The following SIPA1L3 variants were observed in gnomAD, a reference collection of about 807,000 sequenced individuals.
SIPA1L3 encodes the protein signal-induced proliferation-associated 1-like protein 3.
SIPA1L3 carries 59 observed loss-of-function variants against 150.1 expected under a neutral mutation model. The ratio of observed to expected loss-of-function variants is 0.39; its 90% CI spans 0.32 to 0.49. SIPA1L3 has a LOEUF of 0.49. Ranked by LOEUF, SIPA1L3 falls within the 20% of genes least tolerant of loss-of-function variation. The probability of loss-of-function intolerance (pLI) is 0.86; values close to 1 mark genes in which losing one functional copy is unlikely to be tolerated. For missense variants in SIPA1L3, 2,211 were observed against 2,489.5 expected (o/e 0.89, Z 2.38); for synonymous variants, 1,070 against 1,077.6 (o/e 0.99, Z 0.14).
chr19:38,152,401 C>T (rs1971843100), intron 12 of SIPA1L3, among the ~76,000 whole-genome samples: 1 of 152,220 alleles, frequency 6.6e-6, no homozygotes, highest in African/African-American at 2.4e-5. Flanking sequence ...TTGCCCAACT[C>T]AGGGCCTGCT....
intron 16 of SIPA1L3, among the ~76,000 whole-genome samples, chr19:38,187,945 G>A (rs986217536): frequency 6.7e-6 from 1 of 149,468 alleles, no homozygotes; most frequent in East Asian, 2.0e-4. Flanking sequence ...GCAGTGAGCC[G>A]AGATCGTGCC....
intron 6 of SIPA1L3, among the ~76,000 whole-genome samples, chr19:38,103,718 T>A (rs939226740): frequency 6.6e-6 from 1 of 150,764 alleles, no homozygotes; most frequent in Non-Finnish European, 1.5e-5. Context: ...GGTCAGGAGA[T>A]CGAGACCATC....
At chr19:38,142,954 A>T (rs1464814915) in intron 12 of SIPA1L3, among the ~76,000 whole-genome samples, 2 of 152,006 alleles carry the variant, frequency 1.3e-5, no homozygotes, top group African/African-American at 4.8e-5. Flanking sequence ...TGTTCTCTTG[A>T]CACCTGTCAA....
At chr19:38,155,372 G>A (rs929127449) in intron 13 of SIPA1L3, among the ~76,000 whole-genome samples, 3 of 152,086 alleles carry the variant, frequency 2.0e-5, no homozygotes, top group Non-Finnish European at 2.9e-5. Context: ...CACCGCACCC[G>A]GCTGGCTTTG....
At position 38,119,402 on chromosome 19, in the gene SIPA1L3, G is replaced by A; in HGVS notation, c.2388G>A (p.Leu796=). The A allele has an allele frequency of 1.9e-6, 3 of 1,614,094 alleles. No homozygotes were observed. The highest frequency in any genetic ancestry group is 2.5e-6 in the Non-Finnish European group (3 of 1,180,038). The change falls in exon 9 of 22, where the codon TTG becomes TTA. Residue 796 remains leucine, a synonymous_variant. Coordinates refer to ENST00000222345, the MANE Select transcript of SIPA1L3 (RefSeq NM_015073.3). ...FRKSDVFRDF[L]LAKVINAENA... is the part of the protein sequence containing the mutation. Reference sequence around the variant, plus strand: ...AATCCGACGTCTTCAGAGACTTCTTGCTGGCCAAGGTGATTAACGCTGAGA... The same window carrying A: ...AATCCGACGTCTTCAGAGACTTCTTACTGGCCAAGGTGATTAACGCTGAGA...
chr19:38,115,128 C>A (rs550216196), intron 8 of SIPA1L3, among the ~76,000 whole-genome samples: 4 of 152,300 alleles, frequency 2.6e-5, no homozygotes, highest in South Asian at 4.1e-4. Context: ...TTATCCACCC[C>A]CAAGCCTTGA....
chr19:38,156,434 T>C (rs1971950796), intron 13 of SIPA1L3, among the ~76,000 whole-genome samples: 1 of 150,866 alleles, frequency 6.6e-6, no homozygotes. Flanking sequence ...GGAGCTTGGC[T>C]CCCCTCTCAC....
intron 1 of SIPA1L3, among the ~76,000 whole-genome samples, chr19:38,011,767 C>G (rs986045924): frequency 2.6e-5 from 4 of 152,172 alleles, no homozygotes; most frequent in Admixed American, 2.6e-4. Flanking sequence ...TGTAATCCTT[C>G]TGGCTGTGGG....
Position 38,047,122 on chromosome 19 carries a change from G to A in SIPA1L3, c.-311+17966G>A, listed in dbSNP as rs1012305396. ...GGCACGGATAAGTTGGGTTGTTTGC[G>A]TGAGCCACACAGGTAGGAAGTGGCA... On this transcript the variant is annotated intron_variant, in intron 2 of 21. Coordinates refer to ENST00000222345, the MANE Select transcript of SIPA1L3 (RefSeq NM_015073.3). The surrounding 1 kb of genome is among the most constrained non-coding windows in gnomAD (Gnocchi z 4.7). 2.0e-5 allele frequency among the ~76,000 whole-genome samples: 3 copies of A among 152,138 alleles called. No homozygotes were observed. Among genetic ancestry groups the A allele is most frequent in the African/African-American group, 4.8e-5 (2 of 41,406 alleles).
intron 20 of SIPA1L3, among the ~76,000 whole-genome samples, chr19:38,203,324 A>G (rs6508770): frequency 0.77 from 117,657 of 152,162 alleles, 45,974 homozygotes; most frequent in East Asian, 0.92. Context: ...CAGATCCCCA[A>G]GACTCAGCAG....
chr19:38,206,458 C>G lies in SIPA1L3; in HGVS notation c.*218C>G. ...GAGGGCGAAGTGGTCTCAGGCCTCC[C>G]TCCAAGCTGCCCAGCTGTGGTCCCG... is the stretch of plus-strand genomic sequence containing the variant. On this transcript the variant is annotated 3_prime_UTR_variant, in exon 22 of 22. Transcript: ENST00000222345. The G allele has an allele frequency of 1.9e-6, 1 of 538,680 alleles. No individual in the cohort carries two copies. Among genetic ancestry groups the G allele is most frequent in the Non-Finnish European group, 3.2e-6 (1 of 314,734 alleles). The allele number at this position is 538,680 out of a possible 1,614,324, so 33.4% of individuals were successfully genotyped here. A position where few individuals can be genotyped will look rare whatever the true frequency, so the allele number is the denominator to read the frequency against.
rs200150259 is a variant in SIPA1L3 at position 38,082,218 on chromosome 19, T to G, written c.653T>G (p.Phe218Cys). 4.4e-6 allele frequency: 7 copies of G among 1,602,388 alleles called. No homozygotes were observed. The highest frequency in any genetic ancestry group is 1.6e-4 in the Middle Eastern group (1 of 6,062). Residue 218 changes from phenylalanine (F) to cysteine (C), a missense_variant, in exon 3 of 22, where the codon TTC becomes TGC. Physicochemically the swap from Phe to Cys is radical, Grantham distance 205. Around this residue, in one of 5 missense-constraint regions of SIPA1L3, gnomAD observed 587 missense variants for 534.5 expected, o/e 1.10. Transcript: ENST00000222345. The stretch of plus-strand genomic sequence containing the variant: ...GTGCAGGGCATGCCCGAGCAGAGCT[T>G]CTTCGACATCCTGAACGAGTTCCGC... Reference protein sequence around the residue: ...IDVQGMPEQSFFDILNEFRSE... With the variant: ...IDVQGMPEQSCFDILNEFRSE...
Position 38,100,022 on chromosome 19 carries a change from A to G in SIPA1L3, c.1726A>G (p.Thr576Ala). The G allele has an allele frequency of 6.2e-7, 1 of 1,611,256 alleles. No individual in the cohort carries two copies. Residue 576 changes from threonine to alanine, a missense_variant, in exon 5 of 22, where the codon ACC (threonine) becomes GCC (alanine). This residue lies in a region of SIPA1L3 where 625 missense variants were observed against 804.2 expected (regional missense o/e 0.78). Transcript: ENST00000222345. The part of the protein sequence containing the change: ...DATPTATKHG[T>A]GRGLPLKDAL... ...TACGCCCACAGCCACCAAGCATGGG[A>G]CCGGGCGGGGCCTGCCCTTGAAGGA...
chr19:37,955,345 C>T (rs1454962812), intron 1 of SIPA1L3, among the ~76,000 whole-genome samples: 3 of 150,752 alleles, frequency 2.0e-5, no homozygotes, highest in African/African-American at 4.9e-5. Context: ...GAGCCAAGAT[C>T]GCACCATTGC....
chr19:38,132,601 A>G (rs1475368870), intron 10 of SIPA1L3, among the ~76,000 whole-genome samples: 4 of 146,844 alleles, frequency 2.7e-5, no homozygotes, highest in Admixed American at 6.8e-5. Context: ...AAAAAAAAAG[A>G]AAAAAAGAAT....
At chr19:37,920,189 G>A (rs1468110401) in intron 1 of SIPA1L3, among the ~76,000 whole-genome samples, 1 of 151,592 alleles carries the variant, frequency 6.6e-6, no homozygotes, top group African/African-American at 2.4e-5. Flanking sequence ...CTTCTGAATA[G>A]TTGGGACTAC....
chr19:37,987,494 A>G (rs1967385427), intron 1 of SIPA1L3, among the ~76,000 whole-genome samples: 1 of 152,150 alleles, frequency 6.6e-6, no homozygotes, highest in Admixed American at 6.5e-5. Flanking sequence ...TCCTGTGCAT[A>G]TTATGGGCTG....
intron 9 of SIPA1L3, among the ~76,000 whole-genome samples, chr19:38,129,098 T>A (rs1600109333): frequency 6.6e-6 from 1 of 152,138 alleles, no homozygotes; most frequent in Non-Finnish European, 1.5e-5. Flanking sequence ...CCATGGCTGG[T>A]TACATTCATC....
At position 38,082,350 on chromosome 19, in the gene SIPA1L3, A is replaced by G; in HGVS notation, c.785A>G (p.His262Arg). The G allele has an allele frequency of 6.3e-7, 1 of 1,598,212 alleles. No individual in the cohort carries two copies. Among genetic ancestry groups the G allele is most frequent in the Non-Finnish European group, 8.5e-7 (1 of 1,178,780 alleles). ...GGGGGAKGDSHNGQPAKDSLL... is the reference protein window; with the variant it reads ...GGGGGAKGDSRNGQPAKDSLL... ...GGCGGCGGAGCCAAGGGGGACTCCC[A>G]CAACGGGCAGCCCGCCAAGGACAGC... Residue 262 changes from histidine (H) to arginine (R), a missense_variant, in exon 3 of 22, where the codon CAC (histidine) becomes CGC (arginine). Transcript: ENST00000222345.
Sources: gnomAD v4.1 joint callset for allele counts (sites outside exome capture counted in the v4.1 genomes callset) on GRCh38, gnomAD v4.1.1 for gene constraint, gnomAD v4.1.1 regional missense constraint, Gnocchi (gnomAD v3.1) non-coding constraint, MANE v1.5 for transcripts, NCBI Gene and HGNC (gene_info 2026-07-23, HGNC 2026-07-21) for gene names.